Variants in PAK3 observed in about 807,000 individuals in gnomAD.
PAK3 encodes the protein serine/threonine-protein kinase PAK 3.
A neutral mutation model predicts 41.0 loss-of-function variants in PAK3; 4 were observed. The observed-to-expected ratio is 0.10, with a 90% CI of 0.05 to 0.22. The LOEUF is 0.22. PAK3 is among the 10% of genes least tolerant of loss of function. PAK3 has a pLI of 1.00. For missense variants in PAK3, 205 were observed against 409.9 expected (o/e 0.50, Z 4.32); for synonymous variants, 146 against 139.6 (o/e 1.05, Z -0.32).
intron 1 of PAK3, among the ~76,000 whole-genome samples, chrX:110,975,577 A>G (rs1285838617): frequency 8.9e-6 from 1 of 111,930 alleles, no homozygotes; most frequent in African/African-American, 3.3e-5. Context: ...TCAAGCTACC[A>G]ATGGCTTTCT....
At chrX:111,188,435 G>C (rs1208119609) in intron 11 of PAK3, among the ~76,000 whole-genome samples, 1 of 110,801 alleles carries the variant, frequency 9.0e-6, no homozygotes, top group Non-Finnish European at 1.9e-5. Context: ...TTAATATATT[G>C]AGGGTTTCTT....
At chrX:111,037,530 T>C (rs1366450906) in intron 1 of PAK3, among the ~76,000 whole-genome samples, 1 of 111,512 alleles carries the variant, frequency 9.0e-6, no homozygotes, top group African/African-American at 3.3e-5. Context: ...ATGAATATTC[T>C]CTTCCATTTA....
At chrX:111,064,129 T>G (rs1297404926) in intron 1 of PAK3, among the ~76,000 whole-genome samples, 1 of 111,643 alleles carries the variant, frequency 9.0e-6, no homozygotes, top group East Asian at 2.8e-4. Flanking sequence ...AAGGAGAAAC[T>G]AGGTGTTATG....
intron 1 of PAK3, among the ~76,000 whole-genome samples, chrX:111,057,961 C>T (rs1186061394): frequency 8.9e-6 from 1 of 112,269 alleles, no homozygotes; most frequent in Non-Finnish European, 1.9e-5. Context: ...GCTTCTTTTG[C>T]TTAGCCATAC....
intron 1 of PAK3, among the ~76,000 whole-genome samples, chrX:110,946,079 A>T (rs1160773381): frequency 9.0e-6 from 1 of 111,601 alleles, no homozygotes; most frequent in Non-Finnish European, 1.9e-5. Context: ...AGGGGCAGGC[A>T]GGGTATTGTG....
chrX:111,134,834 C>T (rs2093766355), intron 5 of PAK3, among the ~76,000 whole-genome samples: 1 of 111,244 alleles, frequency 9.0e-6, no homozygotes, highest in Admixed American at 9.5e-5. Context: ...GCAGGCATGA[C>T]ACGCTCTTAG....
At chrX:111,045,633 C>T (rs1018305852) in intron 1 of PAK3, among the ~76,000 whole-genome samples, 4 of 111,854 alleles carry the variant, frequency 3.6e-5, no homozygotes, top group African/African-American at 1.3e-4. Flanking sequence ...TGGATCTATT[C>T]TGTTAAGTAA....
intron 1 of PAK3, among the ~76,000 whole-genome samples, chrX:111,027,378 A>T (rs1316516040): frequency 8.9e-6 from 1 of 112,314 alleles, no homozygotes; most frequent in Non-Finnish European, 1.9e-5. Flanking sequence ...GAGTTAACAG[A>T]CAACCCACAG....
chrX:110,967,489 C>A (rs1602572846), intron 1 of PAK3, among the ~76,000 whole-genome samples: 2 of 110,922 alleles, frequency 1.8e-5, no homozygotes. Flanking sequence ...ATTGCAGGGG[C>A]CTGGGTGAGG....
chrX:110,956,002 C>T (rs1265481398), intron 1 of PAK3, among the ~76,000 whole-genome samples: 2 of 112,188 alleles, frequency 1.8e-5, no homozygotes, highest in East Asian at 5.6e-4. Context: ...AGTTTCTTAA[C>T]CACCTAACTG....
chrX:110,962,381 G>C (rs1041003863), intron 1 of PAK3, among the ~76,000 whole-genome samples: 3 of 111,961 alleles, frequency 2.7e-5, no homozygotes, highest in Non-Finnish European at 3.8e-5. Flanking sequence ...TTTGCTTCTT[G>C]CATCTTGACT....
intron 10 of PAK3, among the ~76,000 whole-genome samples, chrX:111,166,244 G>A (rs956363103): frequency 1.8e-5 from 2 of 111,364 alleles, no homozygotes; most frequent in Non-Finnish European, 3.8e-5. Flanking sequence ...GAAAACTTCA[G>A]ACAAGTCACT....
upstream of PAK3, among the ~76,000 whole-genome samples, chrX:111,092,759 G>A (rs1186979163): frequency 9.0e-6 from 1 of 111,731 alleles, no homozygotes; most frequent in Admixed American, 9.4e-5. Context: ...CCTTACTGAG[G>A]GACATTTAGG....
chrX:111,135,615 T>C (rs1166398093), intron 5 of PAK3, among the ~76,000 whole-genome samples: 1 of 109,308 alleles, frequency 9.1e-6, no homozygotes, highest in Non-Finnish European at 1.9e-5. Context: ...TAAGAAAGAG[T>C]TGTATGAAAG....
At chrX:111,143,414 T>C (rs1002182823) in intron 6 of PAK3, among the ~76,000 whole-genome samples, 1 of 111,385 alleles carries the variant, frequency 9.0e-6, no homozygotes, top group Non-Finnish European at 1.9e-5. Flanking sequence ...CATAAAGTGG[T>C]GTAAGCTGAT....
intron 10 of PAK3, among the ~76,000 whole-genome samples, chrX:111,166,290 T>G (rs2094254060): frequency 9.0e-6 from 1 of 111,136 alleles, no homozygotes; most frequent in Admixed American, 9.6e-5. Context: ...ACCTGTGAAA[T>G]GGAGATAAGA....
Position 111,226,194 on chromosome X carries a change from G to A in PAK3, c.*5747G>A, listed in dbSNP as rs2094952299. On this transcript the variant is annotated 3_prime_UTR_variant, in exon 18 of 18. Transcript: ENST00000372007. ...TTCGTCTCCAAAAAAAAAAACTCAAGCAAATGAAGTTCATAATAATAGGGG... is the reference window on the plus strand; with the variant it reads ...TTCGTCTCCAAAAAAAAAAACTCAAACAAATGAAGTTCATAATAATAGGGG... The A allele has an allele frequency of 9.0e-6, 1 of 111,057 alleles. No homozygotes were observed. The highest frequency in any genetic ancestry group is 1.9e-5 in the Non-Finnish European group (1 of 52,990). 9.2% of individuals were successfully genotyped at this position (111,057 alleles called of 1,213,427 possible). A position where few individuals can be genotyped will look rare whatever the true frequency, so the allele number is the denominator to read the frequency against.
intron 1 of PAK3, among the ~76,000 whole-genome samples, chrX:111,050,309 G>A (rs2092545140): frequency 9.0e-6 from 1 of 111,323 alleles, no homozygotes; most frequent in African/African-American, 3.3e-5. Flanking sequence ...CAGATATCAA[G>A]ATAAGCAATG....
chrX:111,162,674 TA>T (rs1569426168), intron 8 of PAK3, among the ~76,000 whole-genome samples: 1 of 111,603 alleles, frequency 9.0e-6, no homozygotes, highest in East Asian at 2.8e-4. Context: ...AGAAGTTTTT[TA>T]AAAAATTACA....
Sources: gnomAD v4.1 joint callset for allele counts (sites outside exome capture counted in the v4.1 genomes callset) on GRCh38, gnomAD v4.1.1 for gene constraint, MANE v1.5 for transcripts, NCBI Gene and HGNC (gene_info 2026-07-23, HGNC 2026-07-21) for gene names.